Variants in DOK6 observed in about 807,000 individuals in gnomAD.
DOK6 encodes the protein docking protein 6, also known as downstream of tyrosine kinase 6.
In DOK6, 22 loss-of-function variants were observed where a neutral mutation model predicts 44.0. The ratio of observed to expected loss-of-function variants is 0.50; its 90% CI spans 0.36 to 0.71. The LOEUF (loss-of-function observed/expected upper bound fraction) is 0.71, where lower values mean the gene tolerates loss of function less well. DOK6 is among the 30% of genes least tolerant of loss of function. DOK6 has a pLI of 0.00. For synonymous variants in DOK6, 166 were observed against 145.5 expected (o/e 1.14, Z -1.01); for missense variants, 340 against 416.4 (o/e 0.82, Z 1.60).
At chr18:69,638,844 G>T (rs1984873211) in intron 3 of DOK6, among the ~76,000 whole-genome samples, 1 of 152,160 alleles carries the variant, frequency 6.6e-6, no homozygotes, top group Non-Finnish European at 1.5e-5. Flanking sequence ...TATACATACA[G>T]TATAACCTCA....
intron 4 of DOK6, among the ~76,000 whole-genome samples, chr18:69,687,166 T>C (rs1327203877): frequency 2.0e-5 from 3 of 152,140 alleles, no homozygotes; most frequent in South Asian, 2.1e-4. Flanking sequence ...TAAAATTACT[T>C]TTAAAATATT....
chr18:69,577,720 C>T (rs1412503000), intron 2 of DOK6, among the ~76,000 whole-genome samples: 1 of 152,084 alleles, frequency 6.6e-6, no homozygotes, highest in Non-Finnish European at 1.5e-5. Context: ...AAACTCGAAA[C>T]CAGAGATTAG....
At chr18:69,789,754 A>C (rs1980537155) in intron 7 of DOK6, among the ~76,000 whole-genome samples, 1 of 152,220 alleles carries the variant, frequency 6.6e-6, no homozygotes, top group South Asian at 2.1e-4. Flanking sequence ...AAACCTGTCC[A>C]TGGCTAACCA....
intron 2 of DOK6, among the ~76,000 whole-genome samples, chr18:69,571,809 C>A (rs969076628): frequency 6.6e-6 from 1 of 151,998 alleles, no homozygotes; most frequent in African/African-American, 2.4e-5. Flanking sequence ...CCCTTTCTCA[C>A]CAAATGATAG....
At chr18:69,575,432 AG>A (rs1315097188) in intron 2 of DOK6, among the ~76,000 whole-genome samples, 1 of 152,144 alleles carries the variant, frequency 6.6e-6, no homozygotes, top group Non-Finnish European at 1.5e-5. Flanking sequence ...GTGCAAAAGC[AG>A]ATCCATGCAA....
At chr18:69,575,029 C>G (rs1983206725) in intron 2 of DOK6, among the ~76,000 whole-genome samples, 1 of 152,022 alleles carries the variant, frequency 6.6e-6, no homozygotes, top group African/African-American at 2.4e-5. Context: ...ACCCTTCAGG[C>G]CATGGTGAAA....
chr18:69,645,502 G>A (rs1985048515), intron 3 of DOK6, among the ~76,000 whole-genome samples: 1 of 152,098 alleles, frequency 6.6e-6, no homozygotes, highest in South Asian at 2.1e-4. Context: ...ATGATTTTAA[G>A]GGAGTAAGCT....
At chr18:69,740,980 T>C (rs966299669) in intron 6 of DOK6, among the ~76,000 whole-genome samples, 3 of 152,252 alleles carry the variant, frequency 2.0e-5, no homozygotes, top group African/African-American at 7.2e-5. Context: ...TCTCGTGTCC[T>C]GTGCCACTGA....
intron 2 of DOK6, among the ~76,000 whole-genome samples, chr18:69,567,915 C>G (rs750127514): frequency 1.8e-4 from 28 of 152,236 alleles, no homozygotes; most frequent in Non-Finnish European, 3.5e-4. Flanking sequence ...CAGCTGTGCC[C>G]TTCTCAGCAG....
At chr18:69,501,273 C>T (rs548224826) in intron 1 of DOK6, among the ~76,000 whole-genome samples, 1 of 152,172 alleles carries the variant, frequency 6.6e-6, no homozygotes. Flanking sequence ...AACTTGACTC[C>T]ACTGACAACT....
chr18:69,748,818 G>A (rs1218156958), intron 6 of DOK6, among the ~76,000 whole-genome samples: 1 of 152,014 alleles, frequency 6.6e-6, no homozygotes, highest in Non-Finnish European at 1.5e-5. Flanking sequence ...TATCCCCAAA[G>A]GAATAGAAAT....
chr18:69,617,674 GAAGAAA>G (rs970920731), intron 3 of DOK6, among the ~76,000 whole-genome samples: 3 of 58,358 alleles, frequency 5.1e-5, no homozygotes, highest in African/African-American at 1.4e-4. Flanking sequence ...TAAGAGAAAA[GAAGAAA>G]AAGAAAGAAA....
At chr18:69,617,342 AAGAAAG>A (rs1471493213) in intron 3 of DOK6, among the ~76,000 whole-genome samples, 1 of 151,496 alleles carries the variant, frequency 6.6e-6, no homozygotes. Flanking sequence ...GAAAGAAAGA[AAGAAAG>A]AGAAAGAAAG....
intron 7 of DOK6, among the ~76,000 whole-genome samples, chr18:69,815,076 C>G (rs7235918): frequency 0.49 from 74,994 of 151,994 alleles, 20,033 homozygotes; most frequent in South Asian, 0.61. Flanking sequence ...ATTCCTACCC[C>G]CAGAACAATA....
chr18:69,426,223 G>A (rs1978631292), intron 1 of DOK6, among the ~76,000 whole-genome samples: 1 of 152,050 alleles, frequency 6.6e-6, no homozygotes, highest in South Asian at 2.1e-4. Flanking sequence ...GTTCATTTAT[G>A]TATAATGAAC....
intron 1 of DOK6, among the ~76,000 whole-genome samples, chr18:69,406,306 A>AT (rs911548200): frequency 2.6e-5 from 4 of 152,200 alleles, no homozygotes; most frequent in East Asian, 1.9e-4. Flanking sequence ...TCTATTGGCA[A>AT]TTTTTTTCCT....
chr18:69,701,441 G>C (rs1568338080), intron 5 of DOK6, among the ~76,000 whole-genome samples: 1 of 152,194 alleles, frequency 6.6e-6, no homozygotes, highest in African/African-American at 2.4e-5. Flanking sequence ...CAGAGGAAGT[G>C]ATAAGATTCA....
At chr18:69,545,175 T>C (rs1177042449) in intron 1 of DOK6, among the ~76,000 whole-genome samples, 2 of 151,102 alleles carry the variant, frequency 1.3e-5, no homozygotes, top group Non-Finnish European at 3.0e-5. Flanking sequence ...CTAGAGTTCT[T>C]GAGCAAAAAC....
At chr18:69,811,723 C>G (rs898341980) in intron 7 of DOK6, among the ~76,000 whole-genome samples, 1 of 151,660 alleles carries the variant, frequency 6.6e-6, no homozygotes, top group Admixed American at 6.6e-5. Context: ...TTTTGCAAAC[C>G]CTTTGGGTGA....
Sources: gnomAD v4.1 joint callset for allele counts (sites outside exome capture counted in the v4.1 genomes callset) on GRCh38, gnomAD v4.1.1 for gene constraint, MANE v1.5 for transcripts, NCBI Gene and HGNC (gene_info 2026-07-23, HGNC 2026-07-21) for gene names.